Variants in EPHA3 observed in about 807,000 individuals in gnomAD.
The protein encoded by EPHA3 is ephrin type-A receptor 3.
A neutral mutation model predicts 107.1 loss-of-function variants in EPHA3; 42 were observed. The ratio of observed to expected loss-of-function variants is 0.39; its 90% CI spans 0.31 to 0.51. The LOEUF is 0.51. EPHA3 is among the 20% of genes least tolerant of loss of function. EPHA3 has a pLI of 0.78. For missense variants in EPHA3, 1,183 were observed against 1,211.2 expected, an observed-to-expected ratio of 0.98 and a Z score of 0.35; for synonymous variants, 461 against 424.8, an observed-to-expected ratio of 1.09 and a Z score of -1.05.
chr3:89,124,407 C>T (rs978608796), intron 1 of EPHA3, among the ~76,000 whole-genome samples: 3 of 152,092 alleles, frequency 2.0e-5, no homozygotes, highest in Non-Finnish European at 4.4e-5. Flanking sequence ...AGGTTTGTAT[C>T]CTGGGAGTCC....
chr3:89,176,392 G>A (rs1402073189), intron 2 of EPHA3, among the ~76,000 whole-genome samples: 2 of 150,930 alleles, frequency 1.3e-5, no homozygotes, highest in East Asian at 3.9e-4. Context: ...AGCTGAGGCA[G>A]GAGAATAGGA....
chr3:89,414,603 G>A (rs1576366388), intron 10 of EPHA3, among the ~76,000 whole-genome samples: 1 of 151,652 alleles, frequency 6.6e-6, no homozygotes. Context: ...AGCAAATGCA[G>A]CACGAGGACT....
intron 15 of EPHA3, among the ~76,000 whole-genome samples, chr3:89,458,985 G>C (rs554884188): frequency 1.3e-5 from 2 of 152,096 alleles, no homozygotes; most frequent in African/African-American, 4.8e-5. Context: ...CAATGAGAAC[G>C]CATGGACTCA....
intron 2 of EPHA3, among the ~76,000 whole-genome samples, chr3:89,130,863 C>G (rs921811654): frequency 6.6e-6 from 1 of 152,122 alleles, no homozygotes; most frequent in Non-Finnish European, 1.5e-5. Context: ...GACTCGATCT[C>G]CTGACCTCGT....
chr3:89,140,189 T>G (rs1343309911), intron 2 of EPHA3, among the ~76,000 whole-genome samples: 1 of 151,892 alleles, frequency 6.6e-6, no homozygotes, highest in Non-Finnish European at 1.5e-5. Flanking sequence ...AATTCAAAGA[T>G]TAATCTAAAT....
At chr3:89,446,761 C>T (rs1428411083) in intron 13 of EPHA3, among the ~76,000 whole-genome samples, 1 of 151,304 alleles carries the variant, frequency 6.6e-6, no homozygotes, top group Non-Finnish European at 1.5e-5. Context: ...TGAAAGTATA[C>T]TGACATGATC....
At chr3:89,134,117 C>G (rs1388120167) in intron 2 of EPHA3, among the ~76,000 whole-genome samples, 1 of 151,658 alleles carries the variant, frequency 6.6e-6, no homozygotes, top group East Asian at 1.9e-4. Context: ...CGAACAACCG[C>G]AGAATGGTCA....
Position 89,132,393 on chromosome 3 carries a change from G to A in EPHA3, c.153+5120G>A, listed in dbSNP as rs549096706. Among the ~76,000 whole-genome samples, 85 of 152,280 alleles carry A rather than the reference G, an allele frequency of 5.6e-4. No homozygotes were observed. In the South Asian group the frequency reaches 0.017, roughly 30 times the overall value. On this transcript the variant is annotated intron_variant, in intron 2 of 16. Coordinates refer to ENST00000336596, the MANE Select transcript of EPHA3 (RefSeq NM_005233.6). The stretch of plus-strand genomic sequence containing the variant: ...TCAAATATTCTAATTTCTAAATGGA[G>A]GCTATGGCTATGGCATAATTGTATA...
At chr3:89,467,015 T>A (rs1437639386) in intron 15 of EPHA3, among the ~76,000 whole-genome samples, 2 of 152,170 alleles carry the variant, frequency 1.3e-5, no homozygotes, top group African/African-American at 4.8e-5. Flanking sequence ...ATGTGTCATT[T>A]ATGTACTAGG....
intron 3 of EPHA3, among the ~76,000 whole-genome samples, chr3:89,229,899 G>A (rs1415077191): frequency 6.6e-6 from 1 of 151,984 alleles, no homozygotes. Flanking sequence ...TCCATTGGGT[G>A]CATTTAGGAA....
chr3:89,251,275 T>A lies in EPHA3; in HGVS notation c.814+40755T>A, dbSNP rs574080501. Among the ~76,000 whole-genome samples, 13 of 152,232 alleles carry A rather than the reference T, an allele frequency of 8.5e-5. No individual in the cohort carries two copies. The East Asian group carries it at 2.5e-3, about 29-fold the overall frequency. ...AGAAAAACAAATAAACCCTCTTGAA[T>A]ATAAATCTGTGGGAAATCACCTACC... On this transcript the variant is annotated intron_variant, in intron 3 of 16. Transcript: ENST00000336596.
chr3:89,320,186 C>A (rs1354875881), intron 3 of EPHA3, among the ~76,000 whole-genome samples: 1 of 151,754 alleles, frequency 6.6e-6, no homozygotes, highest in Non-Finnish European at 1.5e-5. Flanking sequence ...ACAAAGAATT[C>A]AAAAAGAAAA....
At chr3:89,220,212 A>G (rs1704337032) in intron 3 of EPHA3, among the ~76,000 whole-genome samples, 2 of 152,164 alleles carry the variant, frequency 1.3e-5, no homozygotes, top group South Asian at 4.1e-4. Context: ...AGATATGTCT[A>G]TTAAGGCTAA....
chr3:89,300,987 T>A (rs1327240255), intron 3 of EPHA3, among the ~76,000 whole-genome samples: 1 of 152,134 alleles, frequency 6.6e-6, no homozygotes, highest in Non-Finnish European at 1.5e-5. Flanking sequence ...TTCAGCACTT[T>A]TGTCTCCCTG....
At chr3:89,384,497 T>C (rs1708575569) in intron 5 of EPHA3, among the ~76,000 whole-genome samples, 1 of 152,196 alleles carries the variant, frequency 6.6e-6, no homozygotes, top group African/African-American at 2.4e-5. Flanking sequence ...TTGTTTACAT[T>C]TTCTCTGAAA....
In EPHA3 at chr3:89,312,849, T is replaced by A. The variant is rs377155156; in HGVS notation, c.815-28067T>A. ...GAATATGCGGTGTTTGGTTTTCTGT[T>A]CCTGTGTTCGTTTGCTGAGGATAAT... On this transcript the variant is annotated intron_variant, in intron 3 of 16. Transcript: ENST00000336596. Among the ~76,000 whole-genome samples the A allele has an allele frequency of 2.6e-5, 4 of 152,096 alleles. No homozygotes were observed. In the East Asian group the frequency reaches 7.8e-4, roughly 30 times the overall value.
intron 1 of EPHA3, among the ~76,000 whole-genome samples, chr3:89,126,008 A>C (rs922295924): frequency 1.3e-5 from 2 of 149,136 alleles, no homozygotes; most frequent in African/African-American, 5.0e-5. Flanking sequence ...TTTGCTTTGC[A>C]AAAAAAAATA....
intron 2 of EPHA3, among the ~76,000 whole-genome samples, chr3:89,177,293 T>A (rs1269934859): frequency 2.0e-5 from 3 of 152,172 alleles, no homozygotes; most frequent in Non-Finnish European, 4.4e-5. Flanking sequence ...TGTCTGGGTG[T>A]TGTGCATGCC....
At chr3:89,222,276 G>A (rs2107208466) in intron 3 of EPHA3, among the ~76,000 whole-genome samples, 1 of 149,640 alleles carries the variant, frequency 6.7e-6, no homozygotes, top group Non-Finnish European at 1.5e-5. Context: ...GACCTGGCTA[G>A]CATTTCTGTT....
Sources: gnomAD v4.1 joint callset for allele counts (sites outside exome capture counted in the v4.1 genomes callset) on GRCh38, gnomAD v4.1.1 for gene constraint, MANE v1.5 for transcripts, NCBI Gene and HGNC (gene_info 2026-07-23, HGNC 2026-07-21) for gene names.